Variants in THBS3 observed in about 807,000 individuals in gnomAD.
THBS3 encodes the protein thrombospondin 3.
Under a neutral mutation model 118.3 loss-of-function variants are expected in THBS3, and 78 were observed. The observed-to-expected ratio is 0.66, with a 90% CI of 0.55 to 0.80. THBS3 has a LOEUF of 0.80. Ranked by LOEUF, THBS3 falls within the 30% of genes least tolerant of loss-of-function variation. THBS3 has a pLI of 0.00. For synonymous variants in THBS3, 427 were observed against 475.3 expected (o/e 0.90, Z 1.32); for missense variants, 1,057 against 1,247.4 (o/e 0.85, Z 2.30).
chr1:155,204,844 C>G lies in THBS3; in HGVS notation c.646+11G>C, dbSNP rs1670311491. ...CGTGGTCCAATGTCAGCAAACAAGT[C>G]TCTGTGTTACCTGCACTGTGGATGG... On this transcript the variant is annotated intron_variant, in intron 4 of 22. Transcript: ENST00000368378. 6.2e-7 allele frequency: 1 copy of G among 1,613,044 alleles called. No homozygotes were observed. Among genetic ancestry groups the G allele is most frequent in the African/African-American group, 1.3e-5 (1 of 74,890 alleles).
At chr1:155,199,034 C>T (rs551997558) in intron 16 of THBS3, among the ~76,000 whole-genome samples, 2 of 149,876 alleles carry the variant, frequency 1.3e-5, no homozygotes, top group South Asian at 2.1e-4. Flanking sequence ...GCAGGAAAAT[C>T]GCTTGAACCC....
chr1:155,202,284 C>T lies in THBS3; in HGVS notation c.1075G>A (p.Asp359Asn), dbSNP rs905628789. Residue 359 changes from aspartate (D) to asparagine (N), a missense_variant, in exon 9 of 23, where the codon GAC becomes AAC. By Grantham distance (23) the Asp-to-Asn change is conservative. Transcript: ENST00000368378. This position sits in a 1 kb window ranked among gnomAD's most constrained non-coding sequence, Gnocchi z 5.5. Reference protein sequence around the residue: ...KGTQVSGVGIDYARASKQVCN... With the variant: ...KGTQVSGVGINYARASKQVCN... ...ACCTGTTTGCTGGCCCGGGCATAGT[C>T]AATGCCCACACCAGACACCTGTGTG... 6.2e-7 allele frequency: 1 copy of T among 1,614,078 alleles called. No individual in the cohort carries two copies. Among genetic ancestry groups the T allele is most frequent in the Admixed American group, 1.7e-5 (1 of 60,012 alleles).
At position 155,202,037 on chromosome 1, in the gene THBS3, G is replaced by T. The variant is rs749369798; in HGVS notation, c.1099-3C>A. ...CATTCATCGATGTCATTGCAGACCT[G>T]AAGGGGCAGACTTTGGGTGGAACCA... is the stretch of plus-strand genomic sequence containing the variant. On this transcript the variant is annotated splice_polypyrimidine_tract_variant and splice_region_variant and intron_variant, in intron 9 of 22. Transcript: ENST00000368378. The surrounding 1 kb of genome is among the most constrained non-coding windows in gnomAD (Gnocchi z 5.5). 1 of 1,614,134 alleles carries T rather than the reference G, an allele frequency of 6.2e-7. No homozygotes were observed. The highest frequency in any genetic ancestry group is 1.7e-5 in the Admixed American group (1 of 60,030).
chr1:155,206,088 AC>A lies in THBS3; in HGVS notation c.286+111del. On this transcript the variant is annotated intron_variant, in intron 2 of 22. Coordinates refer to ENST00000368378, the MANE Select transcript of THBS3 (RefSeq NM_007112.5). This position sits in a 1 kb window ranked among gnomAD's most constrained non-coding sequence, Gnocchi z 4.2. The stretch of plus-strand genomic sequence containing the variant: ...TGATGTCTGGGCACAGCCTGATGGG[AC>A]CTTGGTCCCTAGTGGAGGCCAAGGA... 1 of 1,279,706 alleles carries A rather than the reference AC, an allele frequency of 7.8e-7. No homozygotes were observed. Among genetic ancestry groups the A allele is most frequent in the South Asian group, 1.3e-5 (1 of 74,106 alleles). The allele number at this position is 1,279,706 out of a possible 1,614,324, so 79.3% of individuals were successfully genotyped here.
Position 155,206,359 on chromosome 1 carries a change from C to G in THBS3, c.127G>C (p.Ala43Pro). Residue 43 changes from alanine to proline, a missense_variant, in exon 2 of 23, where the codon GCA (alanine) becomes CCA (proline). Coordinates refer to ENST00000368378, the MANE Select transcript of THBS3 (RefSeq NM_007112.5). This position sits in a 1 kb window ranked among gnomAD's most constrained non-coding sequence, Gnocchi z 4.2. ...AGCAAGGCTGTCCGGATCTTCTCTG[C>G]CACAGCTACCATCTGCCGAGACTCG... ...VGESRQMVAVAEKIRTALLTA... is the reference protein window; with the variant it reads ...VGESRQMVAVPEKIRTALLTA... 1 of 1,614,198 alleles carries G rather than the reference C, an allele frequency of 6.2e-7. No homozygotes were observed. Among genetic ancestry groups the G allele is most frequent in the East Asian group, 2.2e-5 (1 of 44,894 alleles).
At chr1:155,204,524 T>C (rs914143255) in intron 4 of THBS3, among the ~76,000 whole-genome samples, 12 of 150,436 alleles carry the variant, frequency 8.0e-5, no homozygotes, top group African/African-American at 2.7e-4. Flanking sequence ...CAGTGGAGAC[T>C]GCAGTGACCC....
Position 155,202,952 on chromosome 1 carries a change from CATGGAAGCCTGA to C in THBS3, c.809-4_816del. 6.2e-7 allele frequency: 1 copy of C among 1,613,948 alleles called. No homozygotes were observed. Among genetic ancestry groups the C allele is most frequent in the Non-Finnish European group, 8.5e-7 (1 of 1,180,000 alleles). On this transcript the variant is annotated splice_acceptor_variant and splice_polypyrimidine_tract_variant and coding_sequence_variant and intron_variant, in exon 8 of 23. Coordinates refer to ENST00000368378, the MANE Select transcript of THBS3 (RefSeq NM_007112.5). LOFTEE classifies it high-confidence loss of function. The surrounding 1 kb of genome is among the most constrained non-coding windows in gnomAD (Gnocchi z 5.5). ...TTGGGGCTGCAGTGGGAACGCTGCT[CATGGAAGCCTGA>C]GGGGTGGACACAGTCAGAGCTACCC...
upstream of THBS3, chr1:155,207,976 A>AG (rs1225460818): frequency 1.4e-5 from 8 of 565,818 alleles, no homozygotes; most frequent in East Asian, 6.7e-5. Context: ...ACAGAATTGG[A>AG]GGGGGGGCCA....
In THBS3 at chr1:155,203,153, G is replaced by A; in HGVS notation, c.757-16C>T. 6.2e-7 allele frequency: 1 copy of A among 1,614,222 alleles called. No individual in the cohort carries two copies. The highest frequency in any genetic ancestry group is 8.5e-7 in the Non-Finnish European group (1 of 1,180,036). On this transcript the variant is annotated splice_polypyrimidine_tract_variant and intron_variant, in intron 6 of 22. Coordinates refer to ENST00000368378, the MANE Select transcript of THBS3 (RefSeq NM_007112.5). ...TTTCCTTCACCTGGAGAAGGATGGG[G>A]AGGAGTCAGCACTTGACATCTGCCA...
intron 10 of THBS3, 126 bp downstream of exon 10, chr1:155,201,831 A>G: frequency 7.2e-7 from 1 of 1,387,648 alleles, no homozygotes. Flanking sequence ...GTCCATGTGA[A>G]CACCTAATCT....
chr1:155,209,163 C>T (rs768059574), upstream of THBS3: 254 of 1,500,344 alleles, frequency 1.7e-4, no homozygotes, highest in Non-Finnish European at 2.2e-4. Flanking sequence ...CTGACCGCAA[C>T]GATCGGAGGG....
Position 155,195,688 on chromosome 1 carries a change from G to T in THBS3, c.*153C>A. On this transcript the variant is annotated 3_prime_UTR_variant, in exon 23 of 23. Transcript: ENST00000368378. The stretch of plus-strand genomic sequence containing the variant: ...AAACTTCTCATCCCCTGAAGGGTGG[G>T]GTGACCACCCCTCTGGGACTGAACT... The T allele has an allele frequency of 1.3e-6, 1 of 764,674 alleles. No individual in the cohort carries two copies. The highest frequency in any genetic ancestry group is 2.2e-6 in the Non-Finnish European group (1 of 464,010). The allele number at this position is 764,674 out of a possible 1,614,324, so 47.4% of individuals were successfully genotyped here. A position where few individuals can be genotyped will look rare whatever the true frequency, so the allele number is the denominator to read the frequency against.
At chr1:155,201,632 A>C in intron 10 of THBS3, 63 bp from the exon 11 acceptor site, 1 of 1,553,438 alleles carries the variant, frequency 6.4e-7, no homozygotes. Flanking sequence ...CAGGACCAGC[A>C]CTGCTCCACC....
Position 155,205,324 on chromosome 1 carries a change from G to A in THBS3, c.287-8C>T. On this transcript the variant is annotated splice_polypyrimidine_tract_variant and splice_region_variant and intron_variant, in intron 2 of 22. Transcript: ENST00000368378. Reference sequence around the variant, plus strand: ...GCTGGTATCGCACCAGTACTGCCCAGGAGGGGAGATCAGTATGGGCGCTAT... The same window carrying A: ...GCTGGTATCGCACCAGTACTGCCCAAGAGGGGAGATCAGTATGGGCGCTAT... 1 of 1,612,436 alleles carries A rather than the reference G, an allele frequency of 6.2e-7. No individual in the cohort carries two copies. The highest frequency in any genetic ancestry group is 8.5e-7 in the Non-Finnish European group (1 of 1,178,936).
intron 4 of THBS3, among the ~76,000 whole-genome samples, chr1:155,204,538 T>C (rs1314244144): frequency 6.6e-6 from 1 of 151,094 alleles, no homozygotes; most frequent in Non-Finnish European, 1.5e-5. Context: ...GTGACCCAGA[T>C]TGCACCACTG....
chr1:155,198,414 G>A lies in THBS3; in HGVS notation c.2069C>T (p.Ser690Leu), dbSNP rs1669068197. ...CTCTGGGTCCGCAGGCTTACCATCT[G>A]AGTCCTTCTGATTGGGATTGGGTAC... ...RLVPNPNQKD[S>L]DGNGVGDVCE... is the part of the protein sequence containing the mutation. Residue 690 changes from serine to leucine, a missense_variant, in exon 17 of 23, where the codon TCA becomes TTA. Physicochemically the swap from Ser to Leu is moderately radical, Grantham distance 145 (BLOSUM62 -2). This residue lies in a region of THBS3 where 544 missense variants were observed against 715.6 expected (regional missense o/e 0.76). Transcript: ENST00000368378. The A allele has an allele frequency of 6.2e-6, 10 of 1,613,684 alleles. No homozygotes were observed. The Admixed American group carries it at 1.3e-4, about 22-fold the overall frequency.
At chr1:155,198,252 G>A (rs575682427) in intron 17 of THBS3, 32 bp from the exon 18 acceptor site, 2 of 1,610,586 alleles carry the variant, frequency 1.2e-6, no homozygotes, top group South Asian at 2.2e-5. Flanking sequence ...GCTCAGGAAG[G>A]CCCTGGCCAC....
At chr1:155,209,173 G>T, upstream of THBS3, 4 of 1,487,410 alleles carry the variant, frequency 2.7e-6, no homozygotes, top group Non-Finnish European at 3.6e-6. Flanking sequence ...CGATCGGAGG[G>T]GCGGTGGCGG....
rs866488441 is a variant in THBS3, at chr1:155,197,788, T to A, written c.2302+92A>T. 6.6e-5 allele frequency: 106 copies of A among 1,599,340 alleles called. 1 individual carries two copies. In the Middle Eastern group the frequency reaches 1.4e-3, roughly 21 times the overall value. On this transcript the variant is annotated intron_variant, in intron 19 of 22. Transcript: ENST00000368378. The surrounding 1 kb of genome is among the most constrained non-coding windows in gnomAD (Gnocchi z 5.0). ...GCCACTGCCTTCTCTCTCGCCACTT[T>A]GCCCATTCTCCCTGTCTGTTTCCTC... is the stretch of plus-strand genomic sequence containing the variant.
Sources: gnomAD v4.1 joint callset for allele counts (sites outside exome capture counted in the v4.1 genomes callset) on GRCh38, gnomAD v4.1.1 for gene constraint, gnomAD v4.1.1 regional missense constraint, Gnocchi (gnomAD v3.1) non-coding constraint, MANE v1.5 for transcripts, NCBI Gene and HGNC (gene_info 2026-07-23, HGNC 2026-07-21) for gene names.